The following ACOX1 variants were observed in gnomAD, a reference collection of about 807,000 sequenced individuals.
ACOX1 encodes peroxisomal acyl-coenzyme A oxidase 1.
In ACOX1, 41 loss-of-function variants were observed where a neutral mutation model predicts 75.5. The observed-to-expected ratio is 0.54, with a 90% confidence interval of 0.42 to 0.70. The LOEUF (loss-of-function observed/expected upper bound fraction) is 0.70. Ranked by LOEUF, ACOX1 falls within the 30% of genes least tolerant of loss-of-function variation. The pLI, the probability that ACOX1 is intolerant of heterozygous loss-of-function variation, is 0.00. For missense variants in ACOX1, 630 were observed against 837.5 expected, an observed-to-expected ratio of 0.75 and a Z score of 3.06; for synonymous variants, 303 against 298.8, an observed-to-expected ratio of 1.01 and a Z score of -0.15.
intron 3 of ACOX1, among the ~76,000 whole-genome samples, chr17:75,958,534 C>A (rs1302621803): frequency 6.8e-6 from 1 of 147,638 alleles, no homozygotes; most frequent in Non-Finnish European, 1.5e-5. Context: ...TAAAGCTGGG[C>A]ACGGTGGCTC....
At chr17:75,966,914 A>T (rs571725771) in intron 2 of ACOX1, among the ~76,000 whole-genome samples, 1 of 152,244 alleles carries the variant, frequency 6.6e-6, no homozygotes, top group African/African-American at 2.4e-5. Flanking sequence ...TTAACCTATT[A>T]TAAAACTCTA....
At chr17:75,976,723 A>G (rs1021338518) in intron 2 of ACOX1, among the ~76,000 whole-genome samples, 4 of 152,184 alleles carry the variant, frequency 2.6e-5, no homozygotes, top group African/African-American at 9.7e-5. Flanking sequence ...ACCCAAGTCA[A>G]GCTGAAAATC....
rs1287493329 is a variant in ACOX1 at position 75,946,548 on chromosome 17, C to G, written c.*200G>C. ...GCTTTTTCTGAATGGTTTAACAGGT[C>G]TCTTTCAGTGTTAATTGCACTTAAA... On this transcript the variant is annotated 3_prime_UTR_variant, in exon 14 of 14. Coordinates refer to ENST00000293217, the MANE Select transcript of ACOX1 (RefSeq NM_004035.7). 5.2e-6 allele frequency: 3 copies of G among 577,060 alleles called. No individual in the cohort carries two copies. Among genetic ancestry groups the G allele is most frequent in the Non-Finnish European group, 9.4e-6 (3 of 320,346 alleles). The allele number at this position is 577,060 out of a possible 1,614,324, so 35.7% of individuals were successfully genotyped here.
At chr17:75,949,925 A>G (rs572220539) in intron 9 of ACOX1, 28 bp from the exon 10 acceptor site, 1 of 1,613,196 alleles carries the variant, frequency 6.2e-7, no homozygotes, top group Admixed American at 1.7e-5. Context: ...ACATGCTTTT[A>G]GTAACTCTAC....
At chr17:75,953,323 C>T in intron 7 of ACOX1, 128 bp downstream of exon 7, 1 of 1,016,004 alleles carries the variant, frequency 9.8e-7, no homozygotes, top group South Asian at 1.3e-5. Flanking sequence ...AATTACAGGC[C>T]CAGTTATCAC....
chr17:75,960,583 A>G lies in ACOX1; in HGVS notation c.270-208T>C, dbSNP rs1232044674. ...CATTTTTCCTGAGTCGGCAAGGAGT[A>G]CGAGGACAGGGATTGGTTACTGATT... On this transcript the variant is annotated intron_variant, in intron 2 of 13. Transcript: ENST00000293217. This position sits in a 1 kb window ranked among gnomAD's most constrained non-coding sequence, Gnocchi z 4.4. Among the ~76,000 whole-genome samples the G allele has an allele frequency of 2.0e-5, 3 of 152,224 alleles. No homozygotes were observed. Among genetic ancestry groups the G allele is most frequent in the Non-Finnish European group, 4.4e-5 (3 of 68,048 alleles).
At position 75,951,427 on chromosome 17, in the gene ACOX1, A is replaced by T; in HGVS notation, c.1095T>A (p.Ser365Arg). 1 of 1,614,110 alleles carries T rather than the reference A, an allele frequency of 6.2e-7. No individual in the cohort carries two copies. Among genetic ancestry groups the T allele is most frequent in the Non-Finnish European group, 8.5e-7 (1 of 1,180,006 alleles). ...ACCAAACTCATACCTCAGGCAGTTC[A>T]CTCAGGTCCCCTTGACCAATGCCTT... The part of the protein sequence containing the change: ...INEGIGQGDL[S>R]ELPELHALTA... Residue 365 changes from serine to arginine, a missense_variant, in exon 8 of 14, where the codon AGT becomes AGA. Physicochemically the swap from Ser to Arg is moderately radical, Grantham distance 110. Around this residue, in one of 2 missense-constraint regions of ACOX1, gnomAD observed 390 missense variants for 574.9 expected, o/e 0.68. Coordinates refer to ENST00000293217, the MANE Select transcript of ACOX1 (RefSeq NM_004035.7).
chr17:75,972,866 A>G (rs575236013), intron 2 of ACOX1, among the ~76,000 whole-genome samples: 1 of 152,200 alleles, frequency 6.6e-6, no homozygotes, highest in East Asian at 1.9e-4. Context: ...CAAACACAAA[A>G]TGATGTTTCC....
chr17:75,957,680 T>A, intron 3 of ACOX1, 114 bp from the exon 4 acceptor site: 9 of 766,388 alleles, frequency 1.2e-5, no homozygotes, highest in Admixed American at 4.6e-5. Flanking sequence ...AAACAAAATC[T>A]AACAAAAAAC....
chr17:75,968,643 C>T (rs1045479682), intron 2 of ACOX1, among the ~76,000 whole-genome samples: 2 of 145,200 alleles, frequency 1.4e-5, no homozygotes, highest in Admixed American at 7.0e-5. Flanking sequence ...TTAAAGTAGG[C>T]CATGTGCAGT....
rs1306058687 is a variant in ACOX1, at chr17:75,949,582, T to C, written c.1497A>G (p.Ala499=). 1 of 1,614,102 alleles carries C rather than the reference T, an allele frequency of 6.2e-7. No homozygotes were observed. The highest frequency in any genetic ancestry group is 1.7e-5 in the Admixed American group (1 of 59,986). ...LRAARLVEIA[A]KNLQKEVIHR... ...GAATCACTTCTTTTTGAAGGTTTTTTGCAGCAATTTCTACTAATCTGTTAA... is the reference window on the plus strand; with the variant it reads ...GAATCACTTCTTTTTGAAGGTTTTTCGCAGCAATTTCTACTAATCTGTTAA... Residue 499 remains alanine, a synonymous_variant, in exon 11 of 14, where the codon GCA becomes GCG. Coordinates refer to ENST00000293217, the MANE Select transcript of ACOX1 (RefSeq NM_004035.7).
chr17:75,972,044 T>C (rs569341223), intron 2 of ACOX1, among the ~76,000 whole-genome samples: 1 of 152,100 alleles, frequency 6.6e-6, no homozygotes, highest in South Asian at 2.1e-4. Context: ...ACATAAAGAA[T>C]CTTATCTCTC....
Position 75,946,476 on chromosome 17 carries a change from A to T in ACOX1, c.*272T>A. 2.2e-6 allele frequency: 1 copy of T among 447,096 alleles called. No individual in the cohort carries two copies. Among genetic ancestry groups the T allele is most frequent in the Non-Finnish European group, 4.2e-6 (1 of 240,924 alleles). 27.7% of individuals were successfully genotyped at this position (447,096 alleles called of 1,614,324 possible). On this transcript the variant is annotated 3_prime_UTR_variant, in exon 14 of 14. Coordinates refer to ENST00000293217, the MANE Select transcript of ACOX1 (RefSeq NM_004035.7). The stretch of plus-strand genomic sequence containing the variant: ...TGCTAATTATCAAAAGTCATAGTCT[A>T]CTGGGATCAGCAGCATTACAAAAGG...
At chr17:75,955,247 C>T (rs942907613) in intron 6 of ACOX1, among the ~76,000 whole-genome samples, 1 of 152,000 alleles carries the variant, frequency 6.6e-6, no homozygotes, top group Admixed American at 6.6e-5. Flanking sequence ...ACTGTAGCCT[C>T]GGCCTCCCAG....
At chr17:75,954,339 G>A (rs1364522254) in intron 6 of ACOX1, among the ~76,000 whole-genome samples, 7 of 151,258 alleles carry the variant, frequency 4.6e-5, no homozygotes, top group Admixed American at 4.6e-4. Context: ...TGGCCAACAG[G>A]GTGAAACCCC....
At chr17:75,958,545 A>C (rs554255120) in intron 3 of ACOX1, among the ~76,000 whole-genome samples, 1 of 148,066 alleles carries the variant, frequency 6.8e-6, no homozygotes, top group African/African-American at 2.5e-5. Context: ...ACGGTGGCTC[A>C]CGCCTGTAAT....
intron 4 of ACOX1, 31 bp downstream of exon 4, chr17:75,957,428 A>T: frequency 1.3e-6 from 2 of 1,560,324 alleles, no homozygotes; most frequent in Non-Finnish European, 1.8e-6. Flanking sequence ...AACCTTCAAA[A>T]CATCCAATAA....
chr17:75,955,901 A>G lies in ACOX1; in HGVS notation c.585T>C (p.Thr195=), dbSNP rs1458516546. ...NHAIVLAQLI[T]KGKCYGLHAF... Reference sequence around the variant, plus strand: ...CATGTAATCCATAGCATTTCCCCTTAGTGATGAGCTGGGCAAGAACTATTG... The same window carrying G: ...CATGTAATCCATAGCATTTCCCCTTGGTGATGAGCTGGGCAAGAACTATTG... Residue 195 remains threonine, a synonymous_variant, in exon 5 of 14, where the codon ACT becomes ACC. Coordinates refer to ENST00000293217, the MANE Select transcript of ACOX1 (RefSeq NM_004035.7). 6.2e-7 allele frequency: 1 copy of G among 1,613,448 alleles called. No individual in the cohort carries two copies. The highest frequency in any genetic ancestry group is 1.3e-5 in the African/African-American group (1 of 74,918).
intron 2 of ACOX1, among the ~76,000 whole-genome samples, chr17:75,965,000 C>A (rs926123980): frequency 2.6e-5 from 4 of 151,906 alleles, no homozygotes; most frequent in Non-Finnish European, 2.9e-5. Context: ...AACAAAATAC[C>A]ACAATAAGTG....
Sources: gnomAD v4.1 joint callset for allele counts (sites outside exome capture counted in the v4.1 genomes callset) on GRCh38, gnomAD v4.1.1 for gene constraint, gnomAD v4.1.1 regional missense constraint, Gnocchi (gnomAD v3.1) non-coding constraint, MANE v1.5 for transcripts, NCBI Gene and HGNC (gene_info 2026-07-23, HGNC 2026-07-21) for gene names.